DYM: variants seen among roughly 807,000 people sequenced by gnomAD.
The protein encoded by DYM is dymeclin, also known as dyggve-Melchior-Clausen syndrome protein.
A neutral mutation model predicts 93.1 loss-of-function variants in DYM; 78 were observed. That is an observed-to-expected ratio of 0.84 (90% CI 0.70 to 1.01). The LOEUF is 1.01. Among genes scored for constraint, DYM ranks in the 50% least tolerant of loss-of-function variants. The pLI, the probability that DYM is intolerant of heterozygous loss-of-function variation, is 0.00. For synonymous variants in DYM, 321 were observed against 319.7 expected, an observed-to-expected ratio of 1.00 and a Z score of -0.04; for missense variants, 789 against 845.0, an observed-to-expected ratio of 0.93 and a Z score of 0.82.
intron 2 of DYM, among the ~76,000 whole-genome samples, chr18:49,416,781 T>C (rs984475699): frequency 2.0e-5 from 3 of 152,254 alleles, no homozygotes; most frequent in East Asian, 1.9e-4. Context: ...TCTGAAACAA[T>C]GTTTTCTCCA....
intron 13 of DYM, among the ~76,000 whole-genome samples, chr18:49,229,475 C>T (rs1224770007): frequency 6.6e-6 from 1 of 152,102 alleles, no homozygotes; most frequent in East Asian, 1.9e-4. Flanking sequence ...TCTAAATAGA[C>T]ATTTCACCAA....
At chr18:49,052,147 T>C (rs917923982) in intron 17 of DYM, among the ~76,000 whole-genome samples, 3 of 152,228 alleles carry the variant, frequency 2.0e-5, no homozygotes, top group Non-Finnish European at 4.4e-5. Flanking sequence ...GCTTCCTTTT[T>C]CCTGAAGGGA....
At chr18:49,329,552 A>C (rs1232029382) in intron 8 of DYM, 4 of 152,374 alleles carry the variant, frequency 2.6e-5, no homozygotes, top group East Asian at 3.9e-4. Flanking sequence ...GTAAATGAGA[A>C]GAAACTGCAG....
chr18:49,192,562 G>A (rs2091078470), intron 14 of DYM, among the ~76,000 whole-genome samples: 2 of 152,248 alleles, frequency 1.3e-5, no homozygotes, highest in South Asian at 4.1e-4. Flanking sequence ...TGATACATTT[G>A]TTGAAGATCA....
rs2089190029 is a variant in DYM, at chr18:49,174,756, G to C, written c.1626-10969C>G. Reference sequence around the variant, plus strand: ...AGAAGATTGTAAAGACGTAATCCCGGAGTTGGCTATGGTCACGCTTAGCTT... The same window carrying C: ...AGAAGATTGTAAAGACGTAATCCCGCAGTTGGCTATGGTCACGCTTAGCTT... On this transcript the variant is annotated intron_variant, in intron 14 of 17. Coordinates refer to ENST00000675505, the MANE Select transcript of DYM (RefSeq NM_001353214.3). 2.0e-5 allele frequency among the ~76,000 whole-genome samples: 3 copies of C among 152,110 alleles called. No homozygotes were observed. In the South Asian group the frequency reaches 6.2e-4, roughly 31 times the overall value.
intron 16 of DYM, among the ~76,000 whole-genome samples, chr18:49,108,004 G>A (rs151177458): frequency 5.9e-5 from 9 of 152,374 alleles, no homozygotes; most frequent in South Asian, 2.1e-4. Context: ...GCCCCAAGAC[G>A]TGGAGTCTAC....
At position 49,039,317 on chromosome 18, in the gene DYM, C is replaced by A. The variant is rs1238101547; in HGVS notation, c.*4738G>T. On this transcript the variant is annotated 3_prime_UTR_variant, in exon 18 of 18. Transcript: ENST00000675505. ...TAATGGTTATATTCCCTCTCCCACC[C>A]CAGCAGGTCTAAAATATTATTTTTC... Among the ~76,000 whole-genome samples the A allele has an allele frequency of 1.3e-5, 2 of 152,128 alleles. No individual in the cohort carries two copies. The highest frequency in any genetic ancestry group is 4.8e-5 in the African/African-American group (2 of 41,414).
At chr18:49,197,361 A>G (rs1182728536) in intron 14 of DYM, among the ~76,000 whole-genome samples, 1 of 152,056 alleles carries the variant, frequency 6.6e-6, no homozygotes, top group African/African-American at 2.4e-5. Flanking sequence ...AAATGGCAAA[A>G]GGGGGGGAAG....
At chr18:49,170,650 C>T (rs1226402843) in intron 14 of DYM, among the ~76,000 whole-genome samples, 1 of 151,612 alleles carries the variant, frequency 6.6e-6, no homozygotes, top group African/African-American at 2.4e-5. Flanking sequence ...CGTGGTGGCA[C>T]GTGCCTGTAA....
chr18:49,296,272 T>C (rs2060545696), intron 8 of DYM, among the ~76,000 whole-genome samples: 1 of 152,186 alleles, frequency 6.6e-6, no homozygotes, highest in Non-Finnish European at 1.5e-5. Context: ...AATATTTGTC[T>C]GATGATCAGT....
rs532400851 is a variant in DYM at position 49,149,713 on chromosome 18, T to G, written c.1728+13972A>C. On this transcript the variant is annotated intron_variant, in intron 15 of 17. Transcript: ENST00000675505. ...CACCATTACAAAGTGTTTTTTTTTTTTTTTTTTTTTTTGAGATGGAATCTC... is the reference window on the plus strand; with the variant it reads ...CACCATTACAAAGTGTTTTTTTTTTGTTTTTTTTTTTTGAGATGGAATCTC... 4.4e-4 allele frequency among the ~76,000 whole-genome samples: 63 copies of G among 142,930 alleles called. 1 individual carries two copies. Among genetic ancestry groups the G allele is most frequent in the African/African-American group, 1.5e-3 (58 of 38,044 alleles). 93.8% of individuals were successfully genotyped at this position (142,930 alleles called of 152,430 possible).
At chr18:49,325,339 A>C (rs2062806153) in intron 8 of DYM, among the ~76,000 whole-genome samples, 1 of 152,194 alleles carries the variant, frequency 6.6e-6, no homozygotes, top group Non-Finnish European at 1.5e-5. Flanking sequence ...CAGTCAAAAA[A>C]TCCCTAGTTA....
Position 49,050,334 on chromosome 18 carries a change from G to A in DYM, c.2026-6130C>T, listed in dbSNP as rs1353929049. Among the ~76,000 whole-genome samples, 7 of 151,646 alleles carry A rather than the reference G, an allele frequency of 4.6e-5. 1 individual carries two copies. In the South Asian group the frequency reaches 6.3e-4, roughly 14 times the overall value. On this transcript the variant is annotated intron_variant, in intron 17 of 17. Coordinates refer to ENST00000675505, the MANE Select transcript of DYM (RefSeq NM_001353214.3). ...TTGAACTCCCGACCTCAGGTGATCTGCCTGCCTCGGCCTCCCAAAGTGCTA... is the reference window on the plus strand; with the variant it reads ...TTGAACTCCCGACCTCAGGTGATCTACCTGCCTCGGCCTCCCAAAGTGCTA...
chr18:49,299,563 C>T (rs943389515), intron 8 of DYM, among the ~76,000 whole-genome samples: 5 of 152,190 alleles, frequency 3.3e-5, no homozygotes, highest in African/African-American at 1.2e-4. Flanking sequence ...ACAACCCTGA[C>T]ATGCATACCC....
Position 49,351,793 on chromosome 18 carries a change from C to T in DYM, c.494+11368G>A, listed in dbSNP as rs372284888. Among the ~76,000 whole-genome samples, 6 of 152,226 alleles carry T rather than the reference C, an allele frequency of 3.9e-5. No homozygotes were observed. The East Asian group carries it at 9.6e-4, about 24-fold the overall frequency. Reference sequence around the variant, plus strand: ...AAATATAGACAAGTAAGGACTAATACTTTCTTCAAAAGCTACATGAGAATG... The same window carrying T: ...AAATATAGACAAGTAAGGACTAATATTTTCTTCAAAAGCTACATGAGAATG... On this transcript the variant is annotated intron_variant, in intron 6 of 17. Transcript: ENST00000675505.
intron 17 of DYM, among the ~76,000 whole-genome samples, chr18:49,092,285 C>T (rs1179652938): frequency 6.6e-6 from 1 of 152,206 alleles, no homozygotes. Flanking sequence ...CTTGTACTCA[C>T]ACACAGATTT....
At chr18:49,055,286 T>G (rs2075375204) in intron 17 of DYM, among the ~76,000 whole-genome samples, 1 of 152,038 alleles carries the variant, frequency 6.6e-6, no homozygotes, top group African/African-American at 2.4e-5. Flanking sequence ...GGAGGCAGCC[T>G]TGAGGGAAGC....
At chr18:49,202,318 G>A (rs1175951543) in intron 14 of DYM, among the ~76,000 whole-genome samples, 1 of 152,124 alleles carries the variant, frequency 6.6e-6, no homozygotes, top group Non-Finnish European at 1.5e-5. Flanking sequence ...CTAGGGGAGT[G>A]CAGTGGCGTG....
intron 10 of DYM, among the ~76,000 whole-genome samples, chr18:49,278,307 C>G (rs1229836126): frequency 6.6e-6 from 1 of 152,166 alleles, no homozygotes; most frequent in Non-Finnish European, 1.5e-5. Flanking sequence ...GGTTGCATAT[C>G]TGCGATATTG....
Sources: gnomAD v4.1 joint callset for allele counts (sites outside exome capture counted in the v4.1 genomes callset) on GRCh38, gnomAD v4.1.1 for gene constraint, MANE v1.5 for transcripts, NCBI Gene and HGNC (gene_info 2026-07-23, HGNC 2026-07-21) for gene names.